The following GFRA1 variants were observed in gnomAD, a reference collection of about 807,000 sequenced individuals.
GFRA1 encodes the protein GDNF family receptor alpha 1.
A neutral mutation model predicts 51.6 loss-of-function variants in GFRA1; 16 were observed. That is an observed-to-expected ratio of 0.31 (90% confidence interval 0.21 to 0.47). GFRA1 has a LOEUF of 0.47. Ranked by LOEUF, GFRA1 falls within the 20% of genes least tolerant of loss-of-function variation. The probability of loss-of-function intolerance (pLI) is 1.00; values close to 1 mark genes in which losing one functional copy is unlikely to be tolerated. For missense variants in GFRA1, 530 were observed against 594.3 expected (o/e 0.89, Z 1.13); for synonymous variants, 270 against 241.3 (o/e 1.12, Z -1.10).
chr10:116,068,953 G>C (rs1955243298), intron 9 of GFRA1, among the ~76,000 whole-genome samples: 1 of 152,170 alleles, frequency 6.6e-6, no homozygotes, highest in Non-Finnish European at 1.5e-5. Flanking sequence ...GACTTTGTAA[G>C]GTATAAGGTA....
At chr10:116,194,854 C>G (rs999206534) in intron 5 of GFRA1, among the ~76,000 whole-genome samples, 16 of 152,142 alleles carry the variant, frequency 1.1e-4, no homozygotes, top group African/African-American at 3.9e-4. Context: ...ATTATGACTT[C>G]TGATTAAAAA....
At chr10:116,211,487 C>A in intron 5 of GFRA1, 144 bp downstream of exon 5, 1 of 728,836 alleles carries the variant, frequency 1.4e-6, no homozygotes. Flanking sequence ...GCACTTTAAG[C>A]CACTGTCCTC....
At chr10:116,167,455 C>T (rs186573660) in intron 5 of GFRA1, among the ~76,000 whole-genome samples, 10 of 152,242 alleles carry the variant, frequency 6.6e-5, no homozygotes, top group African/African-American at 2.4e-4. Context: ...CCTAAGCTTA[C>T]GGAGGGTGAA....
intron 4 of GFRA1, among the ~76,000 whole-genome samples, chr10:116,220,724 G>T (rs1296246214): frequency 6.6e-6 from 1 of 152,132 alleles, no homozygotes; most frequent in Non-Finnish European, 1.5e-5. Context: ...AGTTTTAGGA[G>T]GTACAGGTTC....
intron 6 of GFRA1, among the ~76,000 whole-genome samples, chr10:116,115,150 T>G (rs187084263): frequency 6.6e-6 from 1 of 152,354 alleles, no homozygotes; most frequent in Admixed American, 6.5e-5. Context: ...TAATTGCCTT[T>G]GGAAATGACG....
chr10:116,064,605 T>G, intron 10 of GFRA1, 61 bp from the exon 11 acceptor site: 2 of 1,470,872 alleles, frequency 1.4e-6, no homozygotes, highest in Non-Finnish European at 1.9e-6. Context: ...CACAGTATAC[T>G]TTACACTCTC....
At chr10:116,178,743 T>C (rs181374490) in intron 5 of GFRA1, among the ~76,000 whole-genome samples, 16 of 152,300 alleles carry the variant, frequency 1.1e-4, no homozygotes, top group African/African-American at 3.8e-4. Flanking sequence ...AGAAACATAC[T>C]CCAGAAGGAA....
intron 4 of GFRA1, among the ~76,000 whole-genome samples, chr10:116,224,697 G>A (rs1297364829): frequency 6.6e-6 from 1 of 151,984 alleles, no homozygotes; most frequent in Admixed American, 6.6e-5. Flanking sequence ...GGGATGAGGG[G>A]GTGACAGCTA....
intron 4 of GFRA1, among the ~76,000 whole-genome samples, chr10:116,241,042 A>C (rs377616869): frequency 3.3e-5 from 5 of 152,320 alleles, no homozygotes; most frequent in African/African-American, 1.2e-4. Context: ...ACTAAAGTGC[A>C]TAATAGATGA....
chr10:116,187,151 G>A (rs1354382047), intron 5 of GFRA1, among the ~76,000 whole-genome samples: 1 of 152,178 alleles, frequency 6.6e-6, no homozygotes, highest in Non-Finnish European at 1.5e-5. Flanking sequence ...AAAAAATGAT[G>A]AATGCAATAC....
Position 116,125,536 on chromosome 10 carries a change from T to C in GFRA1, c.455A>G (p.Asn152Ser). 1.9e-6 allele frequency: 3 copies of C among 1,613,824 alleles called. No homozygotes were observed. The highest frequency in any genetic ancestry group is 2.2e-5 in the East Asian group (1 of 44,880). ...GGCCTTCGCTGCATCCAGGCAGTTG[T>C]TCCCTTTGGGAATGTGCTCCACTGC... ...FQQVEHIPKG[N>S]NCLDAAKACN... Residue 152 changes from asparagine to serine, a missense_variant, in exon 6 of 11, where the codon AAC (asparagine) becomes AGC (serine). Asn to Ser is a conservative substitution (Grantham distance 46). Coordinates refer to ENST00000355422, the MANE Select transcript of GFRA1 (RefSeq NM_005264.8).
intron 5 of GFRA1, among the ~76,000 whole-genome samples, chr10:116,144,280 A>G (rs1398457816): frequency 7.1e-6 from 1 of 140,100 alleles, no homozygotes; most frequent in Non-Finnish European, 1.6e-5. Flanking sequence ...GTATGTTTCA[A>G]TAATTCTATC....
At chr10:116,085,254 C>T (rs942869703) in intron 9 of GFRA1, among the ~76,000 whole-genome samples, 6 of 152,302 alleles carry the variant, frequency 3.9e-5, no homozygotes, top group East Asian at 1.9e-4. Flanking sequence ...AATGTTTATT[C>T]GTGTTTCTTC....
intron 5 of GFRA1, among the ~76,000 whole-genome samples, chr10:116,158,803 G>C (rs944152588): frequency 1.3e-5 from 2 of 152,202 alleles, no homozygotes; most frequent in Middle Eastern, 3.2e-3. Context: ...GGGTCATCCT[G>C]GCTGCAAAGG....
chr10:116,066,404 C>T (rs997005735), intron 9 of GFRA1, among the ~76,000 whole-genome samples: 2 of 152,110 alleles, frequency 1.3e-5, no homozygotes, highest in Admixed American at 6.5e-5. Context: ...AATGGCTTCC[C>T]GAGCAGTTGC....
chr10:116,108,128 A>G (rs1056064935), intron 6 of GFRA1, among the ~76,000 whole-genome samples: 5 of 152,280 alleles, frequency 3.3e-5, no homozygotes, highest in African/African-American at 1.2e-4. Flanking sequence ...TTCGCTTTAA[A>G]CAGAAACACA....
At chr10:116,146,056 CTATA>C (rs1958786670) in intron 5 of GFRA1, among the ~76,000 whole-genome samples, 1 of 151,872 alleles carries the variant, frequency 6.6e-6, no homozygotes, top group South Asian at 2.1e-4. Flanking sequence ...TATATAGTCA[CTATA>C]TATTTATATA....
intron 5 of GFRA1, among the ~76,000 whole-genome samples, chr10:116,186,863 C>T (rs542096350): frequency 5.9e-5 from 9 of 152,172 alleles, no homozygotes; most frequent in Non-Finnish European, 1.3e-4. Context: ...CCGGCCCTTG[C>T]GAGCTTGAAA....
At chr10:116,260,391 T>C (rs762903191) in intron 4 of GFRA1, among the ~76,000 whole-genome samples, 7 of 152,218 alleles carry the variant, frequency 4.6e-5, no homozygotes, top group Non-Finnish European at 8.8e-5. Flanking sequence ...AGTGTATGTA[T>C]GCCTATGTGT....
Sources: allele counts gnomAD v4.1 joint callset (sites outside exome capture counted in the v4.1 genomes callset), GRCh38; gene constraint gnomAD v4.1.1; transcripts MANE v1.5; gene names NCBI Gene and HGNC (gene_info 2026-07-23, HGNC 2026-07-21).